Variants in WDR70 observed in about 807,000 individuals in gnomAD.
WDR70 encodes WD repeat domain 70, also known as WD repeat-containing protein 70.
In WDR70, 53 loss-of-function variants were observed where a neutral mutation model predicts 88.6. The ratio of observed to expected loss-of-function variants is 0.60; its 90% CI spans 0.48 to 0.75. The LOEUF is 0.75. Ranked by LOEUF, WDR70 falls within the 30% of genes least tolerant of loss-of-function variation. The probability of loss-of-function intolerance (pLI) is 0.00; values close to 1 mark genes in which losing one functional copy is unlikely to be tolerated. For synonymous variants in WDR70, 280 were observed against 270.0 expected (o/e 1.04, Z -0.36); for missense variants, 610 against 823.2 (o/e 0.74, Z 3.17).
chr5:37,748,646 C>T (rs1561104317), intron 17 of WDR70, among the ~76,000 whole-genome samples: 1 of 152,136 alleles, frequency 6.6e-6, no homozygotes, highest in African/African-American at 2.4e-5. Context: ...AGCTTCTGCA[C>T]AGCAAAAGAA....
intron 7 of WDR70, among the ~76,000 whole-genome samples, chr5:37,450,019 T>TA (rs1738627765): frequency 6.6e-6 from 1 of 152,178 alleles, no homozygotes; most frequent in South Asian, 2.1e-4. Context: ...GTTCTTGTGT[T>TA]AGTTTGCTGA....
intron 7 of WDR70, among the ~76,000 whole-genome samples, chr5:37,464,030 A>G (rs1739088515): frequency 6.6e-6 from 1 of 152,262 alleles, no homozygotes; most frequent in Non-Finnish European, 1.5e-5. Flanking sequence ...CACCAAATGT[A>G]GATAGAACAG....
At chr5:37,572,847 C>T (rs1023275065) in intron 9 of WDR70, among the ~76,000 whole-genome samples, 1 of 152,194 alleles carries the variant, frequency 6.6e-6, no homozygotes, top group Non-Finnish European at 1.5e-5. Flanking sequence ...CTTAAAACCT[C>T]TAGGCTTTGG....
intron 5 of WDR70, among the ~76,000 whole-genome samples, chr5:37,426,600 C>T (rs574849111): frequency 2.0e-5 from 3 of 152,234 alleles, no homozygotes; most frequent in East Asian, 1.9e-4. Flanking sequence ...AGGCTGGCTC[C>T]GTTGAAACTT....
chr5:37,596,126 A>AGT (rs1171272375), intron 9 of WDR70, among the ~76,000 whole-genome samples: 5 of 152,198 alleles, frequency 3.3e-5, no homozygotes, highest in Non-Finnish European at 7.4e-5. Flanking sequence ...TGTCAAACCC[A>AGT]GTGCCTGACA....
Position 37,379,363 on chromosome 5 carries a change from C to T in WDR70, c.-5C>T, listed in dbSNP as rs367957947. The T allele has an allele frequency of 1.9e-6, 3 of 1,613,604 alleles. No homozygotes were observed. The highest frequency in any genetic ancestry group is 2.5e-6 in the Non-Finnish European group (3 of 1,179,804). ...TGTGGCTGGTTCTGGGGTGTGCGGC[C>T]AGCCATGGAGCGCTCTGGGCCCAGC... On this transcript the variant is annotated 5_prime_UTR_variant, in exon 1 of 18. Transcript: ENST00000265107.
chr5:37,514,336 C>CTATATATATATATATA (rs1385732925), intron 8 of WDR70, among the ~76,000 whole-genome samples: 9 of 10,944 alleles, frequency 8.2e-4, no homozygotes, highest in Non-Finnish European at 5.0e-3. Flanking sequence ...ATATTTAGAA[C>CTATATATATATATATA]TACATATATA....
intron 9 of WDR70, among the ~76,000 whole-genome samples, chr5:37,576,964 C>G (rs1241191065): frequency 3.3e-5 from 5 of 152,088 alleles, no homozygotes; most frequent in Admixed American, 3.3e-4. Flanking sequence ...AGGTCCAATC[C>G]AGGACACTCG....
At chr5:37,692,517 A>T (rs1016819868) in intron 10 of WDR70, among the ~76,000 whole-genome samples, 2 of 152,348 alleles carry the variant, frequency 1.3e-5, no homozygotes, top group South Asian at 4.1e-4. Flanking sequence ...CTTATCCACC[A>T]TGATCAAGTC....
intron 9 of WDR70, among the ~76,000 whole-genome samples, chr5:37,529,225 CT>C (rs1260333144): frequency 6.6e-6 from 1 of 152,120 alleles, no homozygotes; most frequent in Admixed American, 6.5e-5. Flanking sequence ...TGACTATGGC[CT>C]TATAGTATAG....
At chr5:37,749,604 T>C (rs571491822) in intron 17 of WDR70, among the ~76,000 whole-genome samples, 1 of 152,316 alleles carries the variant, frequency 6.6e-6, no homozygotes, top group African/African-American at 2.4e-5. Flanking sequence ...GCCATTTTGC[T>C]GGCAACATTA....
At chr5:37,641,547 G>C (rs1017918040) in intron 10 of WDR70, among the ~76,000 whole-genome samples, 1 of 151,608 alleles carries the variant, frequency 6.6e-6, no homozygotes, top group African/African-American at 2.4e-5. Context: ...CTCCCGAGTA[G>C]CTGGGATTAC....
chr5:37,512,174 T>C (rs1157726603), intron 8 of WDR70, among the ~76,000 whole-genome samples: 1 of 152,178 alleles, frequency 6.6e-6, no homozygotes, highest in Non-Finnish European at 1.5e-5. Context: ...CCTCTGTCTT[T>C]ACATAGCCTT....
At chr5:37,468,288 A>G (rs1739223930) in intron 7 of WDR70, among the ~76,000 whole-genome samples, 1 of 152,232 alleles carries the variant, frequency 6.6e-6, no homozygotes, top group South Asian at 2.1e-4. Context: ...CAATACCAAT[A>G]ATGTTTCAGG....
intron 10 of WDR70, among the ~76,000 whole-genome samples, chr5:37,674,627 T>C (rs1006758217): frequency 1.3e-5 from 2 of 152,314 alleles, no homozygotes; most frequent in Admixed American, 1.3e-4. Flanking sequence ...TAATCCAGTC[T>C]ATCATCGTTG....
chr5:37,496,576 G>A (rs1413029192), intron 8 of WDR70, among the ~76,000 whole-genome samples: 2 of 152,210 alleles, frequency 1.3e-5, no homozygotes, highest in Non-Finnish European at 1.5e-5. Context: ...ACTCACTAAT[G>A]TCTTCTGCAA....
At chr5:37,474,641 T>C (rs1285417341) in intron 7 of WDR70, among the ~76,000 whole-genome samples, 2 of 152,170 alleles carry the variant, frequency 1.3e-5, no homozygotes, top group Non-Finnish European at 2.9e-5. Context: ...ACGTGTGCCA[T>C]AGTGGTTTGC....
chr5:37,724,851 T>C, intron 15 of WDR70, 83 bp from the exon 16 acceptor site: 1 of 1,226,190 alleles, frequency 8.2e-7, no homozygotes, highest in African/African-American at 1.5e-5. Flanking sequence ...CCATTTCATC[T>C]TTCAGTTAGT....
In WDR70 at chr5:37,514,339, C is replaced by CATATAT. The variant is rs70978826; in HGVS notation, c.841-2160_841-2155dup. 3.2e-3 allele frequency among the ~76,000 whole-genome samples: 91 copies of CATATAT among 28,742 alleles called. 16 individuals are homozygous for CATATAT. In the East Asian group the frequency reaches 0.037, roughly 12 times the overall value. The allele number at this position is 28,742 out of a possible 152,430, so 18.9% of individuals were successfully genotyped here. On this transcript the variant is annotated intron_variant, in intron 8 of 17. Coordinates refer to ENST00000265107, the MANE Select transcript of WDR70 (RefSeq NM_018034.4). ...CGACATTATGGCATATTTAGAACTA[C>CATATAT]ATATATATATATATATATATGTATG...
Sources: allele counts gnomAD v4.1 joint callset (sites outside exome capture counted in the v4.1 genomes callset), GRCh38; gene constraint gnomAD v4.1.1; transcripts MANE v1.5; gene names NCBI Gene and HGNC (gene_info 2026-07-23, HGNC 2026-07-21).